GSG1L: variants seen among roughly 807,000 people sequenced by gnomAD.
GSG1L encodes germ cell-specific gene 1-like protein.
In GSG1L, 24 loss-of-function variants were observed where a neutral mutation model predicts 42.1. The observed-to-expected ratio is 0.57, with a 90% CI of 0.41 to 0.80. The LOEUF (loss-of-function observed/expected upper bound fraction) is 0.80. Among genes scored for constraint, GSG1L ranks in the 30% least tolerant of loss-of-function variants. GSG1L has a pLI of 0.00. For missense variants in GSG1L, 445 were observed against 472.2 expected (o/e 0.94, Z 0.53); for synonymous variants, 215 against 203.5 (o/e 1.06, Z -0.48).
At chr16:28,013,506 C>T (rs1213000805) in intron 1 of GSG1L, among the ~76,000 whole-genome samples, 1 of 152,186 alleles carries the variant, frequency 6.6e-6, no homozygotes, top group Non-Finnish European at 1.5e-5. Flanking sequence ...CAGAACAGTG[C>T]TTGGCAGGGA....
At chr16:27,831,253 A>G (rs1279681711) in intron 4 of GSG1L, among the ~76,000 whole-genome samples, 1 of 152,234 alleles carries the variant, frequency 6.6e-6, no homozygotes, top group Non-Finnish European at 1.5e-5. Flanking sequence ...AAGCAGAGCC[A>G]TGAAAAGGGG....
intron 1 of GSG1L, among the ~76,000 whole-genome samples, chr16:28,023,752 T>C (rs2085870673): frequency 6.6e-6 from 1 of 152,302 alleles, no homozygotes; most frequent in South Asian, 2.1e-4. Flanking sequence ...GAAAGTGGCA[T>C]GGTGATTCAC....
At chr16:27,869,477 A>ATC (rs573479880) in intron 3 of GSG1L, among the ~76,000 whole-genome samples, 2 of 128,122 alleles carry the variant, frequency 1.6e-5, no homozygotes, top group African/African-American at 6.2e-5. Context: ...GTCTCCCTCC[A>ATC]TCTCTCTCTC....
intron 2 of GSG1L, among the ~76,000 whole-genome samples, chr16:27,961,537 T>C (rs1478614247): frequency 6.6e-6 from 1 of 152,220 alleles, no homozygotes; most frequent in Admixed American, 6.5e-5. Context: ...TTTCTTCATC[T>C]GTCAGGTGGG....
intron 4 of GSG1L, among the ~76,000 whole-genome samples, chr16:27,838,897 C>T (rs565776178): frequency 1.3e-5 from 2 of 152,190 alleles, no homozygotes; most frequent in Non-Finnish European, 2.9e-5. Context: ...ATAAAGGAGG[C>T]CGCAGCCACC....
At chr16:28,062,579 G>C (rs988906917) in intron 1 of GSG1L, among the ~76,000 whole-genome samples, 1 of 152,206 alleles carries the variant, frequency 6.6e-6, no homozygotes. Flanking sequence ...GGCGATGGGG[G>C]TGGAAGGCTC....
At chr16:27,931,852 C>G (rs568800136) in intron 2 of GSG1L, among the ~76,000 whole-genome samples, 1 of 152,070 alleles carries the variant, frequency 6.6e-6, no homozygotes. Context: ...GAGAATCAGG[C>G]GGGTGTTGGG....
intron 5 of GSG1L, 86 bp from the exon 6 acceptor site, chr16:27,807,640 A>G (rs1024195412): frequency 1.0e-5 from 11 of 1,095,010 alleles, no homozygotes; most frequent in Admixed American, 8.2e-5. Context: ...AAAAAGTGCA[A>G]TCTTCCCCCC....
intron 3 of GSG1L, among the ~76,000 whole-genome samples, chr16:27,869,656 C>A (rs1164171471): frequency 9.1e-6 from 1 of 110,320 alleles, no homozygotes; most frequent in Non-Finnish European, 1.9e-5. Context: ...TCTCTGTCTT[C>A]CTCCATCTCT....
intron 6 of GSG1L, among the ~76,000 whole-genome samples, chr16:27,793,244 T>C (rs868085324): frequency 1.3e-5 from 2 of 152,220 alleles, no homozygotes; most frequent in Admixed American, 1.3e-4. Context: ...AAGAGGAAGA[T>C]GGTTGTGTCC....
intron 1 of GSG1L, among the ~76,000 whole-genome samples, chr16:28,029,728 T>TA (rs1288164895): frequency 6.6e-6 from 1 of 152,016 alleles, no homozygotes; most frequent in East Asian, 1.9e-4. Context: ...GATGGATGTA[T>TA]AATGGATGAA....
At chr16:27,888,176 C>T in intron 2 of GSG1L, 1 of 973,502 alleles carries the variant, frequency 1.0e-6, no homozygotes, top group Non-Finnish European at 1.2e-6. Flanking sequence ...GCAGCCCCCA[C>T]ACCCCAGGGG....
intron 1 of GSG1L, among the ~76,000 whole-genome samples, chr16:27,973,971 C>T (rs181288258): frequency 2.3e-4 from 35 of 152,262 alleles, no homozygotes; most frequent in African/African-American, 7.2e-4. Context: ...TGCCTGGGAA[C>T]GGCCTCATTT....
Position 27,803,788 on chromosome 16 carries a change from TATATATAGATAG to T in GSG1L, c.898+3687_898+3698del, listed in dbSNP as rs1316154927. 6.0e-3 allele frequency among the ~76,000 whole-genome samples: 384 copies of T among 63,596 alleles called. 6 individuals are homozygous for T. The highest frequency in any genetic ancestry group is 0.022 in the African/African-American group (362 of 16,328). 41.7% of individuals were successfully genotyped at this position (63,596 alleles called of 152,430 possible). A position where few individuals can be genotyped will look rare whatever the true frequency, so the allele number is the denominator to read the frequency against. ...AGACATATATATATATATATATATA[TATATATAGATAG>T]ATAGATATAGATATAGATATAGATA... On this transcript the variant is annotated intron_variant, in intron 6 of 6. Transcript: ENST00000447459.
intron 2 of GSG1L, among the ~76,000 whole-genome samples, chr16:27,921,602 C>A (rs557440108): frequency 6.6e-6 from 1 of 152,328 alleles, no homozygotes; most frequent in African/African-American, 2.4e-5. Flanking sequence ...TTCCCTCTCC[C>A]TCATTTTCCC....
intron 1 of GSG1L, among the ~76,000 whole-genome samples, chr16:28,049,925 T>A (rs753436954): frequency 1.3e-5 from 2 of 152,148 alleles, no homozygotes. Context: ...AAGCACTACA[T>A]CTCTATATGA....
chr16:27,947,729 A>AC (rs1421256004), intron 2 of GSG1L, among the ~76,000 whole-genome samples: 1 of 152,118 alleles, frequency 6.6e-6, no homozygotes, highest in Non-Finnish European at 1.5e-5. Flanking sequence ...CAGAGACAGG[A>AC]CCCTATTTCT....
rs1406518555 is a variant in GSG1L, at chr16:27,789,380, C to A, written c.*1990G>T. ...GGATGGATGGTTGATGGATAATGGGCAGATGGAGGGATGAATGGATGAGTG... is the reference window on the plus strand; with the variant it reads ...GGATGGATGGTTGATGGATAATGGGAAGATGGAGGGATGAATGGATGAGTG... On this transcript the variant is annotated 3_prime_UTR_variant, in exon 7 of 7. Transcript: ENST00000447459. The A allele has an allele frequency of 6.9e-6, 1 of 144,898 alleles. No homozygotes were observed. The highest frequency in any genetic ancestry group is 1.5e-5 in the Non-Finnish European group (1 of 66,192). 9.0% of individuals were successfully genotyped at this position (144,898 alleles called of 1,614,324 possible).
At chr16:28,053,353 T>C (rs1314512038) in intron 1 of GSG1L, among the ~76,000 whole-genome samples, 1 of 152,210 alleles carries the variant, frequency 6.6e-6, no homozygotes, top group Non-Finnish European at 1.5e-5. Context: ...TTTGTTGTTA[T>C]TATTAGCGTA....
Sources: allele counts gnomAD v4.1 joint callset (sites outside exome capture counted in the v4.1 genomes callset), GRCh38; gene constraint gnomAD v4.1.1; transcripts MANE v1.5; gene names NCBI Gene and HGNC (gene_info 2026-07-23, HGNC 2026-07-21).